The following AUTS2 variants were observed in gnomAD, a reference collection of about 807,000 sequenced individuals.
AUTS2 encodes the protein activator of transcription and developmental regulator AUTS2, also known as autism susceptibility gene 2 protein.
AUTS2 carries 17 observed loss-of-function variants against 112.4 expected under a neutral mutation model. That is an observed-to-expected ratio of 0.15 (90% CI 0.10 to 0.23). The LOEUF (loss-of-function observed/expected upper bound fraction) is 0.23, where lower values mean the gene tolerates loss of function less well. Among genes scored for constraint, AUTS2 ranks in the 10% least tolerant of loss-of-function variants. The probability of loss-of-function intolerance (pLI) is 1.00; values close to 1 mark genes in which losing one functional copy is unlikely to be tolerated. For synonymous variants in AUTS2, 751 were observed against 702.7 expected, an observed-to-expected ratio of 1.07 and a Z score of -1.09; for missense variants, 1,510 against 1,701.6, an observed-to-expected ratio of 0.89 and a Z score of 1.98.
At chr7:70,082,339 A>C (rs533697254) in intron 2 of AUTS2, among the ~76,000 whole-genome samples, 162 of 152,312 alleles carry the variant, frequency 1.1e-3, no homozygotes, top group African/African-American at 3.6e-3. Context: ...AATCATCCTA[A>C]GTTTGGGAGA....
chr7:70,476,307 T>C (rs932250287), intron 5 of AUTS2, among the ~76,000 whole-genome samples: 4 of 152,128 alleles, frequency 2.6e-5, no homozygotes, highest in Admixed American at 6.6e-5. Flanking sequence ...CACGTGAGGC[T>C]CACCCTGGGT....
chr7:70,224,065 A>T (rs1406071155), intron 4 of AUTS2, among the ~76,000 whole-genome samples: 1 of 152,170 alleles, frequency 6.6e-6, no homozygotes, highest in African/African-American at 2.4e-5. Flanking sequence ...CTGTAATCCC[A>T]ACATTTTAAG....
intron 1 of AUTS2, among the ~76,000 whole-genome samples, chr7:69,689,377 G>GTC (rs1396379760): frequency 8.3e-6 from 1 of 120,950 alleles, no homozygotes; most frequent in East Asian, 2.4e-4. Context: ...TTGAGACGGA[G>GTC]TCTCTCTCTG....
intron 2 of AUTS2, among the ~76,000 whole-genome samples, chr7:69,903,178 C>G (rs1795033230): frequency 2.0e-5 from 3 of 152,072 alleles, no homozygotes; most frequent in African/African-American, 7.2e-5. Flanking sequence ...CACATGGCCT[C>G]TCCTTAAGGA....
chr7:70,765,517 C>T lies in AUTS2; in HGVS notation c.1468+512C>T, dbSNP rs548579182. On this transcript the variant is annotated intron_variant, in intron 8 of 18. Transcript: ENST00000342771. ...GCAGATCTCATGTTAGACACAGGGT[C>T]CTTGTCTCCTCACCTGTGTTAATCA... is the stretch of plus-strand genomic sequence containing the variant. Among the ~76,000 whole-genome samples the T allele has an allele frequency of 3.1e-4, 47 of 152,236 alleles. No homozygotes were observed. The East Asian group carries it at 4.4e-3, about 14-fold the overall frequency.
At chr7:70,498,457 A>G (rs1381932279) in intron 5 of AUTS2, among the ~76,000 whole-genome samples, 1 of 152,078 alleles carries the variant, frequency 6.6e-6, no homozygotes, top group Non-Finnish European at 1.5e-5. Context: ...GGTGGTGACT[A>G]TGTTTTCCTG....
At chr7:70,123,370 G>A (rs991677178) in intron 3 of AUTS2, among the ~76,000 whole-genome samples, 6 of 152,064 alleles carry the variant, frequency 3.9e-5, no homozygotes, top group African/African-American at 1.4e-4. Context: ...GTAAACTCAT[G>A]TCACAGAGGT....
At chr7:70,110,668 T>C (rs867111256) in intron 2 of AUTS2, among the ~76,000 whole-genome samples, 1 of 152,300 alleles carries the variant, frequency 6.6e-6, no homozygotes, top group South Asian at 2.1e-4. Flanking sequence ...AGCACAATTT[T>C]AAGTCATTTC....
chr7:70,455,407 G>A (rs534571866), intron 5 of AUTS2, among the ~76,000 whole-genome samples: 19 of 152,096 alleles, frequency 1.2e-4, no homozygotes, highest in African/African-American at 2.7e-4. Context: ...TCTGTGCCTG[G>A]CCCTGGCTCA....
At chr7:70,725,732 A>C (rs560244387) in intron 6 of AUTS2, among the ~76,000 whole-genome samples, 2 of 152,302 alleles carry the variant, frequency 1.3e-5, no homozygotes, top group African/African-American at 4.8e-5. Context: ...ACAGGTAGAG[A>C]ATTTGAAAGC....
intron 2 of AUTS2, among the ~76,000 whole-genome samples, chr7:69,911,171 C>A (rs952239842): frequency 6.6e-6 from 1 of 152,214 alleles, no homozygotes; most frequent in Non-Finnish European, 1.5e-5. Context: ...GCAGGGTGGG[C>A]AGCCCCAGGC....
At chr7:69,969,815 A>G (rs920048759) in intron 2 of AUTS2, among the ~76,000 whole-genome samples, 3 of 152,180 alleles carry the variant, frequency 2.0e-5, no homozygotes, top group Non-Finnish European at 4.4e-5. Flanking sequence ...ATAAGCTTGT[A>G]ATTGTTGGAA....
At position 70,186,115 on chromosome 7, in the gene AUTS2, A is replaced by G. The variant is rs577181783; in HGVS notation, c.660+51544A>G. 2.0e-5 allele frequency among the ~76,000 whole-genome samples: 3 copies of G among 152,276 alleles called. No homozygotes were observed. In the South Asian group the frequency reaches 6.2e-4, roughly 32 times the overall value. ...GTAATTTCTTTTTGCCTTGAATCTT[A>G]TGCTTGAAGTATGTTATTCATGTAG... On this transcript the variant is annotated intron_variant, in intron 4 of 18. Transcript: ENST00000342771.
chr7:70,364,831 C>G (rs1458774127), intron 4 of AUTS2, among the ~76,000 whole-genome samples: 1 of 151,926 alleles, frequency 6.6e-6, no homozygotes, highest in Non-Finnish European at 1.5e-5. Flanking sequence ...TAAACACTGA[C>G]CAATGTGTTC....
intron 11 of AUTS2, 114 bp from the exon 12 acceptor site, chr7:70,773,914 A>C (rs1445348186): frequency 8.1e-6 from 8 of 987,882 alleles, no homozygotes; most frequent in Non-Finnish European, 1.3e-5. Flanking sequence ...TGCGTTTCAG[A>C]AGGAAACAAA....
At chr7:69,870,447 TAA>T (rs1491403085) in intron 1 of AUTS2, among the ~76,000 whole-genome samples, 1 of 2,536 alleles carries the variant, frequency 3.9e-4, no homozygotes, top group Non-Finnish European at 6.8e-4. Flanking sequence ...TATGTGTGTG[TAA>T]TATATATATA....
intron 4 of AUTS2, among the ~76,000 whole-genome samples, chr7:70,143,323 C>T (rs1042944710): frequency 2.0e-5 from 3 of 152,144 alleles, no homozygotes; most frequent in Non-Finnish European, 4.4e-5. Context: ...ATGTGTTTTG[C>T]TCAGGTAAAA....
In AUTS2 at chr7:70,651,504, C is replaced by G. The variant is rs76379172; in HGVS notation, c.691-47065C>G. On this transcript the variant is annotated intron_variant, in intron 5 of 18. Transcript: ENST00000342771. ...AGCATTGTAGCTTAGCCCAGCCCCC[C>G]TTAAACACGCTCAAAACACTTACAT... Among the ~76,000 whole-genome samples, 1,273 of 152,300 alleles carry G rather than the reference C, an allele frequency of 8.4e-3. 22 individuals carry two copies. The highest frequency in any genetic ancestry group is 0.029 in the African/African-American group (1,226 of 41,568).
chr7:70,411,146 C>T lies in AUTS2; in HGVS notation c.661-24606C>T, dbSNP rs1044431176. Among the ~76,000 whole-genome samples, 9 of 151,788 alleles carry T rather than the reference C, an allele frequency of 5.9e-5. 1 individual carries two copies. The South Asian group carries it at 8.3e-4, about 14-fold the overall frequency. ...TCCCAGAGTGCTGGGATTACAGGCA[C>T]GAGCCACCGCACCCAGCCAGAAATC... On this transcript the variant is annotated intron_variant, in intron 4 of 18. Transcript: ENST00000342771.
Sources: allele counts gnomAD v4.1 joint callset (sites outside exome capture counted in the v4.1 genomes callset), GRCh38; gene constraint gnomAD v4.1.1; transcripts MANE v1.5; gene names NCBI Gene and HGNC (gene_info 2026-07-23, HGNC 2026-07-21).